Variants in GALNTL6 observed in about 807,000 individuals in gnomAD.
GALNTL6 encodes polypeptide N-acetylgalactosaminyltransferase like 6, also known as polypeptide N-acetylgalactosaminyltransferase-like 6.
A neutral mutation model predicts 73.7 loss-of-function variants in GALNTL6; 46 were observed. The observed-to-expected ratio is 0.62, with a 90% CI of 0.49 to 0.80. The LOEUF (loss-of-function observed/expected upper bound fraction) is 0.80. GALNTL6 is among the 30% of genes least tolerant of loss of function. GALNTL6 has a pLI of 0.00. For synonymous variants in GALNTL6, 259 were observed against 263.7 expected (o/e 0.98, Z 0.17); for missense variants, 604 against 755.0 (o/e 0.80, Z 2.34).
At chr4:172,064,132 T>C (rs1483610499) in intron 2 of GALNTL6, among the ~76,000 whole-genome samples, 1 of 152,210 alleles carries the variant, frequency 6.6e-6, no homozygotes, top group Admixed American at 6.5e-5. Context: ...CTGCTAAATA[T>C]AAACCCTTGA....
chr4:172,644,356 A>G (rs550394379), intron 5 of GALNTL6, among the ~76,000 whole-genome samples: 4 of 152,064 alleles, frequency 2.6e-5, no homozygotes, highest in Admixed American at 2.0e-4. Flanking sequence ...CATCTAGAAC[A>G]AGATATAGAA....
chr4:172,770,590 A>C (rs2110861865), intron 5 of GALNTL6, among the ~76,000 whole-genome samples: 1 of 152,346 alleles, frequency 6.6e-6, no homozygotes, highest in South Asian at 2.1e-4. Flanking sequence ...GCAAATCAGT[A>C]AAATTTTTCA....
chr4:172,328,171 C>T (rs13146905), intron 4 of GALNTL6, among the ~76,000 whole-genome samples: 1,573 of 152,096 alleles, frequency 0.01, 9 homozygotes, highest in Non-Finnish European at 0.018. Flanking sequence ...ATATGAAATT[C>T]TTGGTTGAAG....
intron 8 of GALNTL6, among the ~76,000 whole-genome samples, chr4:172,927,026 C>A (rs1748093211): frequency 6.6e-6 from 1 of 152,182 alleles, no homozygotes; most frequent in African/African-American, 2.4e-5. Flanking sequence ...GAGGAGGAGG[C>A]ATGAGCAATG....
At chr4:172,761,343 G>A (rs9994145) in intron 5 of GALNTL6, among the ~76,000 whole-genome samples, 6,985 of 152,218 alleles carry the variant, frequency 0.046, 294 homozygotes, top group African/African-American at 0.11. Flanking sequence ...ACACTTTAGG[G>A]ACCAATTTAA....
intron 3 of GALNTL6, among the ~76,000 whole-genome samples, chr4:172,292,817 C>A (rs1199150444): frequency 6.6e-6 from 1 of 151,958 alleles, no homozygotes; most frequent in African/African-American, 2.4e-5. Flanking sequence ...TTTCTACATC[C>A]CAGGAGGATC....
chr4:172,851,898 G>C (rs116333902), intron 7 of GALNTL6, among the ~76,000 whole-genome samples: 1 of 152,144 alleles, frequency 6.6e-6, no homozygotes, highest in Non-Finnish European at 1.5e-5. Flanking sequence ...GATTCTGGAT[G>C]CTCTGCCTGA....
intron 11 of GALNTL6, among the ~76,000 whole-genome samples, chr4:173,012,554 ATTT>A (rs1418162974): frequency 5.3e-5 from 8 of 152,162 alleles, no homozygotes; most frequent in Non-Finnish European, 8.8e-5. Context: ...GCCAACCTGG[ATTT>A]TAGTTTAAAC....
At chr4:172,493,174 T>C (rs1733954070) in intron 5 of GALNTL6, among the ~76,000 whole-genome samples, 1 of 152,222 alleles carries the variant, frequency 6.6e-6, no homozygotes, top group African/African-American at 2.4e-5. Flanking sequence ...TAAATTCTGG[T>C]AAATTTCCAA....
intron 2 of GALNTL6, among the ~76,000 whole-genome samples, chr4:171,903,424 C>T (rs568449210): frequency 1.1e-3 from 167 of 152,206 alleles, no homozygotes; most frequent in Non-Finnish European, 1.8e-3. Flanking sequence ...CCAAATACTG[C>T]GCTTTGCCGA....
At chr4:172,991,303 T>G (rs1365635274) in intron 10 of GALNTL6, among the ~76,000 whole-genome samples, 1 of 152,192 alleles carries the variant, frequency 6.6e-6, no homozygotes, top group African/African-American at 2.4e-5. Context: ...TATATTTTAT[T>G]ATCTCAATAT....
intron 2 of GALNTL6, among the ~76,000 whole-genome samples, chr4:171,873,972 T>C (rs1047195217): frequency 6.6e-6 from 1 of 152,192 alleles, no homozygotes; most frequent in Non-Finnish European, 1.5e-5. Context: ...GTCAGGTGTT[T>C]AGCCAGGCTT....
chr4:172,022,819 C>T (rs1360635142), intron 2 of GALNTL6, among the ~76,000 whole-genome samples: 1 of 151,964 alleles, frequency 6.6e-6, no homozygotes, highest in Non-Finnish European at 1.5e-5. Context: ...ATTATAAATT[C>T]ATAACCTGAA....
chr4:172,851,697 A>G (rs1002870975), intron 7 of GALNTL6, among the ~76,000 whole-genome samples: 4 of 152,166 alleles, frequency 2.6e-5, no homozygotes, highest in African/African-American at 9.7e-5. Flanking sequence ...TTATAGGATC[A>G]GTCACAAGTT....
At chr4:171,885,255 T>G (rs930035717) in intron 2 of GALNTL6, among the ~76,000 whole-genome samples, 2 of 152,166 alleles carry the variant, frequency 1.3e-5, no homozygotes, top group Non-Finnish European at 2.9e-5. Flanking sequence ...TTCTTATTTT[T>G]TCTTTGTTTT....
At chr4:172,453,292 G>A (rs1397096129) in intron 5 of GALNTL6, among the ~76,000 whole-genome samples, 1 of 152,084 alleles carries the variant, frequency 6.6e-6, no homozygotes, top group Non-Finnish European at 1.5e-5. Flanking sequence ...ATGAAGGCAA[G>A]TTTTTAGTTG....
chr4:172,325,155 A>G (rs1740899418), intron 4 of GALNTL6, among the ~76,000 whole-genome samples: 1 of 151,914 alleles, frequency 6.6e-6, no homozygotes, highest in South Asian at 2.1e-4. Flanking sequence ...TGAAACATAG[A>G]CATCATTAAA....
At chr4:172,225,223 A>T (rs28370563) in intron 2 of GALNTL6, among the ~76,000 whole-genome samples, 2,183 of 152,114 alleles carry the variant, frequency 0.014, 57 homozygotes, top group African/African-American at 0.05. Flanking sequence ...CTCATGTTAA[A>T]GGAAAGGTCA....
At chr4:172,797,239 A>G (rs1740321499) in intron 5 of GALNTL6, among the ~76,000 whole-genome samples, 1 of 151,902 alleles carries the variant, frequency 6.6e-6, no homozygotes, top group South Asian at 2.1e-4. Context: ...TATGGCACCT[A>G]AGAGTTTTTG....
Sources: allele counts gnomAD v4.1 joint callset (sites outside exome capture counted in the v4.1 genomes callset), GRCh38; gene constraint gnomAD v4.1.1; transcripts MANE v1.5; gene names NCBI Gene and HGNC (gene_info 2026-07-23, HGNC 2026-07-21).